The following RINT1 variants were observed in gnomAD, a reference collection of about 807,000 sequenced individuals.
RINT1 encodes the protein RAD50 interactor 1.
In RINT1, 75 loss-of-function variants were observed where a neutral mutation model predicts 97.7. The ratio of observed to expected loss-of-function variants is 0.77; its 90% CI spans 0.64 to 0.93. The LOEUF (loss-of-function observed/expected upper bound fraction) is 0.93, where lower values mean the gene tolerates loss of function less well. Among genes scored for constraint, RINT1 ranks in the 40% least tolerant of loss-of-function variants. RINT1 has a pLI of 0.00. For synonymous variants in RINT1, 303 were observed against 326.3 expected (o/e 0.93, Z 0.77); for missense variants, 892 against 925.2 (o/e 0.96, Z 0.47).
chr7:105,535,048 T>C (rs1030491855), intron 2 of RINT1, among the ~76,000 whole-genome samples: 2 of 152,120 alleles, frequency 1.3e-5, no homozygotes, highest in Non-Finnish European at 2.9e-5. Flanking sequence ...ATTGGACTTA[T>C]TAAATGTCAC....
chr7:105,538,529 A>G (rs777941191), intron 3 of RINT1, among the ~76,000 whole-genome samples: 5 of 152,198 alleles, frequency 3.3e-5, no homozygotes, highest in Non-Finnish European at 5.9e-5. Flanking sequence ...GCAGCTGAGT[A>G]GATTGATGCC....
chr7:105,551,813 C>G (rs1279124058), intron 10 of RINT1, 106 bp downstream of exon 10: 3 of 889,212 alleles, frequency 3.4e-6, no homozygotes, highest in Non-Finnish European at 4.9e-6. Flanking sequence ...TGCCTGTAAT[C>G]CTAGCACTTT....
At chr7:105,534,968 T>C (rs73192126) in intron 2 of RINT1, among the ~76,000 whole-genome samples, 20,821 of 152,190 alleles carry the variant, frequency 0.14, 1,848 homozygotes, top group South Asian at 0.26. Flanking sequence ...AGTTGACCAA[T>C]ATCTGACATT....
intron 11 of RINT1, among the ~76,000 whole-genome samples, chr7:105,561,272 A>T (rs1288895239): frequency 6.6e-6 from 1 of 152,098 alleles, no homozygotes; most frequent in Non-Finnish European, 1.5e-5. Context: ...TCACACCTGT[A>T]ATCTCAGCAC....
At chr7:105,566,574 AGG>A (rs1791756358) in intron 14 of RINT1, 1 of 152,116 alleles carries the variant, frequency 6.6e-6, no homozygotes, top group Non-Finnish European at 1.5e-5. Flanking sequence ...TGAGAGGCTG[AGG>A]CTGTAGTGAG....
At chr7:105,564,213 A>G (rs1316961575) in intron 12 of RINT1, among the ~76,000 whole-genome samples, 2 of 152,030 alleles carry the variant, frequency 1.3e-5, no homozygotes, top group South Asian at 4.1e-4. Context: ...TCAGCCTCCC[A>G]AGTAGCCAGG....
At chr7:105,539,093 G>A (rs1790357100) in intron 3 of RINT1, among the ~76,000 whole-genome samples, 1 of 152,072 alleles carries the variant, frequency 6.6e-6, no homozygotes, top group East Asian at 1.9e-4. Context: ...ACTGTAATCA[G>A]GTTTGTTTCC....
In RINT1 at chr7:105,546,125, C is replaced by T. The variant is rs547740903; in HGVS notation, c.516-785C>T. Among the ~76,000 whole-genome samples the T allele has an allele frequency of 3.3e-5, 5 of 152,220 alleles. No individual in the cohort carries two copies. In the East Asian group the frequency reaches 9.6e-4, roughly 29 times the overall value. On this transcript the variant is annotated intron_variant, in intron 4 of 14. Transcript: ENST00000257700. ...ATTACAGGGTTGAGCCACCAAGCCC[C>T]GCCTGGAATTATATTTCTTTGAAGT...
chr7:105,563,048 G>C (rs753352696), intron 11 of RINT1, among the ~76,000 whole-genome samples: 2 of 151,336 alleles, frequency 1.3e-5, no homozygotes, highest in Non-Finnish European at 1.5e-5. Context: ...CTATATAATG[G>C]AATATTACCT....
At chr7:105,542,235 T>G in intron 3 of RINT1, 173 bp from the exon 4 acceptor site, 1 of 583,498 alleles carries the variant, frequency 1.7e-6, no homozygotes, top group African/African-American at 1.9e-5. Flanking sequence ...CTGGGGAGGT[T>G]GAGGTGGGAG....
At chr7:105,536,315 C>G (rs181479178) in intron 2 of RINT1, among the ~76,000 whole-genome samples, 1 of 151,936 alleles carries the variant, frequency 6.6e-6, no homozygotes, top group Non-Finnish European at 1.5e-5. Flanking sequence ...TGTGCCCCCA[C>G]GCCTGGCTAA....
At chr7:105,551,954 G>C (rs1157239231) in intron 10 of RINT1, among the ~76,000 whole-genome samples, 1 of 152,118 alleles carries the variant, frequency 6.6e-6, no homozygotes, top group East Asian at 1.9e-4. Flanking sequence ...TGTAGTCCCA[G>C]CTACTTGGGA....
At chr7:105,533,110 T>C (rs535842387) in intron 2 of RINT1, among the ~76,000 whole-genome samples, 1 of 152,126 alleles carries the variant, frequency 6.6e-6, no homozygotes, top group Non-Finnish European at 1.5e-5. Flanking sequence ...GACTAGAGTG[T>C]TTTCGCTGGA....
Position 105,562,170 on chromosome 7 carries a change from C to A in RINT1, c.1672-1563C>A, listed in dbSNP as rs75972687. On this transcript the variant is annotated intron_variant, in intron 11 of 14. Coordinates refer to ENST00000257700, the MANE Select transcript of RINT1 (RefSeq NM_021930.6). Reference sequence around the variant, plus strand: ...TTAACAATATATCTTGAGATTGTTCCATTTCAGAATAGTTTAACATTGACT... The same window carrying A: ...TTAACAATATATCTTGAGATTGTTCAATTTCAGAATAGTTTAACATTGACT... Among the ~76,000 whole-genome samples the A allele has an allele frequency of 3.1e-3, 473 of 152,238 alleles. 26 individuals are homozygous for A. The East Asian group carries it at 0.08, about 26-fold the overall frequency.
intron 10 of RINT1, among the ~76,000 whole-genome samples, chr7:105,552,190 T>C (rs1401619703): frequency 6.6e-6 from 1 of 152,188 alleles, no homozygotes; most frequent in African/African-American, 2.4e-5. Flanking sequence ...TTTTTAATAA[T>C]TTAAGGATTT....
At position 105,565,621 on chromosome 7, in the gene RINT1, G is replaced by A. The variant is rs201892348; in HGVS notation, c.2159G>A (p.Cys720Tyr). ...RNLFPLFSHY[C>Y]KRPENYFKHI... ...CTTTTCCCTTTGTTTTCTCACTATT[G>A]CAAGAGACCAGAAAATTATTTTAAA... is the stretch of plus-strand genomic sequence containing the variant. Residue 720 changes from cysteine to tyrosine, a missense_variant, in exon 14 of 15, where the codon TGC becomes TAC. By Grantham distance (194) the Cys-to-Tyr change is radical. Coordinates refer to ENST00000257700, the MANE Select transcript of RINT1 (RefSeq NM_021930.6). 83 of 1,610,564 alleles carry A rather than the reference G, an allele frequency of 5.2e-5. No homozygotes were observed. Among genetic ancestry groups the A allele is most frequent in the Admixed American group, 6.7e-5 (4 of 59,780 alleles).
intron 11 of RINT1, among the ~76,000 whole-genome samples, chr7:105,558,293 CA>C (rs11345013): frequency 0.098 from 13,699 of 139,124 alleles, 1,912 homozygotes; most frequent in African/African-American, 0.32. Flanking sequence ...AAAACAGTCT[CA>C]AAAAAAAAAA....
intron 11 of RINT1, among the ~76,000 whole-genome samples, chr7:105,558,484 A>AATT (rs764856160): frequency 2.8e-4 from 42 of 152,270 alleles, no homozygotes; most frequent in Non-Finnish European, 4.7e-4. Flanking sequence ...TCTTCAATGA[A>AATT]ATTATTTGTA....
chr7:105,554,690 T>C (rs1170292801), intron 10 of RINT1, among the ~76,000 whole-genome samples: 1 of 152,182 alleles, frequency 6.6e-6, no homozygotes, highest in East Asian at 1.9e-4. Flanking sequence ...TCCACCTGCC[T>C]TGGCCTCACA....
Sources: gnomAD v4.1 joint callset for allele counts (sites outside exome capture counted in the v4.1 genomes callset) on GRCh38, gnomAD v4.1.1 for gene constraint, MANE v1.5 for transcripts, NCBI Gene and HGNC (gene_info 2026-07-23, HGNC 2026-07-21) for gene names.